DCTN1: variants seen among roughly 807,000 people sequenced by gnomAD.
DCTN1 encodes the protein 150 kDa dynein-associated polypeptide.
DCTN1 carries 61 observed loss-of-function variants against 161.2 expected under a neutral mutation model. That is an observed-to-expected ratio of 0.38 (90% CI 0.31 to 0.47). DCTN1 has a LOEUF of 0.47. Ranked by LOEUF, DCTN1 falls within the 20% of genes least tolerant of loss-of-function variation. DCTN1 has a pLI of 0.99. For missense variants in DCTN1, 1,404 were observed against 1,623.7 expected (o/e 0.86, Z 2.33); for synonymous variants, 653 against 632.4 (o/e 1.03, Z -0.49).
chr2:74,372,960 A>G lies in DCTN1; in HGVS notation c.433-12T>C, dbSNP rs1674974524. 2 of 1,613,936 alleles carry G rather than the reference A, an allele frequency of 1.2e-6. No homozygotes were observed. Among genetic ancestry groups the G allele is most frequent in the Non-Finnish European group, 1.7e-6 (2 of 1,179,864 alleles). On this transcript the variant is annotated splice_polypyrimidine_tract_variant and intron_variant, in intron 6 of 31. Transcript: ENST00000628224. ...CGCCGAGTTGTGGTCTGGACAGGCAACAGGAGCCAGAAGAGAAGTAGTCAG... is the reference window on the plus strand; with the variant it reads ...CGCCGAGTTGTGGTCTGGACAGGCAGCAGGAGCCAGAAGAGAAGTAGTCAG...
intron 6 of DCTN1, 165 bp downstream of exon 6, chr2:74,374,158 G>C (rs566929899): frequency 1.4e-6 from 1 of 717,290 alleles, no homozygotes; most frequent in East Asian, 2.8e-5. Flanking sequence ...CCCAGGGTGT[G>C]GGGCATAGTG....
intron 7 of DCTN1, 112 bp downstream of exon 7, chr2:74,372,816 G>A: frequency 8.9e-7 from 1 of 1,121,536 alleles, no homozygotes; most frequent in Non-Finnish European, 1.4e-6. Context: ...AGAGAACCCA[G>A]GATACACTAT....
chr2:74,362,697 G>C lies in DCTN1; in HGVS notation c.3562C>G (p.Gln1188Glu). Reference protein sequence around the residue: ...AKSPSAQLMEQVAQLKSLSDT... With the variant: ...AKSPSAQLMEEVAQLKSLSDT... ...CTCAGGGACTTAAGCTGAGCCACTT[G>C]CTCCATAAGTTGGGCCGACGGGCTC... The change falls in exon 30 of 32, where the codon CAA (glutamine) becomes GAA (glutamate). Residue 1188 changes from glutamine to glutamate, a missense_variant. Gln to Glu is a conservative substitution (Grantham distance 29, BLOSUM62 2). Coordinates refer to ENST00000628224, the MANE Select transcript of DCTN1 (RefSeq NM_004082.5). 3 of 1,614,032 alleles carry C rather than the reference G, an allele frequency of 1.9e-6. No individual in the cohort carries two copies. Among genetic ancestry groups the C allele is most frequent in the Non-Finnish European group, 2.5e-6 (3 of 1,180,000 alleles).
At chr2:74,362,229 A>G in intron 30 of DCTN1, 88 bp from the exon 31 acceptor site, 4 of 1,184,044 alleles carry the variant, frequency 3.4e-6, no homozygotes, top group Non-Finnish European at 5.0e-6. Context: ...AGACACTAAT[A>G]CCAGGGGGGC....
Position 74,369,836 on chromosome 2 carries a change from A to AAT in DCTN1, c.1392+128_1392+129insAT. The AAT allele has an allele frequency of 3.7e-6, 3 of 817,348 alleles. No homozygotes were observed. The highest frequency in any genetic ancestry group is 2.6e-5 in the East Asian group (1 of 38,460). The allele number at this position is 817,348 out of a possible 1,614,324, so 50.6% of individuals were successfully genotyped here. ...TCTCAGAAAAAAAAAAAAAAAAAAA[A>AAT]GGCAGGGTCAGGGTAGCAAGCCCAG... On this transcript the variant is annotated intron_variant, in intron 13 of 31. Transcript: ENST00000628224. The surrounding 1 kb of genome is among the most constrained non-coding windows in gnomAD (Gnocchi z 4.9).
chr2:74,384,893 C>T (rs189706869), upstream of DCTN1: 1 of 152,306 alleles, frequency 6.6e-6, no homozygotes, highest in South Asian at 2.1e-4. Flanking sequence ...AAGAGATAAA[C>T]GTGGACCTAA....
At chr2:74,391,757 G>A (rs956004709) in intron 1 of DCTN1, 2 of 452,760 alleles carry the variant, frequency 4.4e-6, no homozygotes, top group African/African-American at 4.0e-5. Flanking sequence ...GTAGGGGGCC[G>A]GCGGAGCAGA....
At position 74,362,977 on chromosome 2, in the gene DCTN1, G is replaced by A. The variant is rs771566230; in HGVS notation, c.3529+17C>T. The A allele has an allele frequency of 6.2e-7, 1 of 1,609,442 alleles. No homozygotes were observed. Among genetic ancestry groups the A allele is most frequent in the South Asian group, 1.1e-5 (1 of 90,384 alleles). On this transcript the variant is annotated intron_variant, in intron 29 of 31. Coordinates refer to ENST00000628224, the MANE Select transcript of DCTN1 (RefSeq NM_004082.5). ...AGGGGGCAGTTTTATTCATCTTGGG[G>A]GTTGGCAGGTACATACCAGGGCTGG... is the stretch of plus-strand genomic sequence containing the variant.
chr2:74,382,649 A>G (rs537250131), upstream of DCTN1, among the ~76,000 whole-genome samples: 2 of 152,120 alleles, frequency 1.3e-5, no homozygotes, highest in African/African-American at 4.8e-5. Context: ...TAGAACTGCA[A>G]AGAATTACCT....
intron 29 of DCTN1, 116 bp downstream of exon 29, chr2:74,362,878 A>C: frequency 7.2e-7 from 1 of 1,380,742 alleles, no homozygotes; most frequent in African/African-American, 1.4e-5. Flanking sequence ...CAGTGAAGCC[A>C]AAGAACACTG....
At chr2:74,363,537 T>A in intron 27 of DCTN1, 77 bp downstream of exon 27, 1 of 1,599,766 alleles carries the variant, frequency 6.3e-7, no homozygotes, top group Admixed American at 1.7e-5. Flanking sequence ...TCTCCAGTCC[T>A]GGCTTCCCCC....
Position 74,368,807 on chromosome 2 carries a change from A to G in DCTN1, c.1775T>C (p.Met592Thr), listed in dbSNP as rs768189684. ...NRHMSLLTAF[M>T]PDSFLRPGGD... ...ACCTGGCCGAAGGAAGCTGTCAGGC[A>G]TGAAGGCTGTCAGCAGGGACATGTG... Residue 592 changes from methionine to threonine, a missense_variant, in exon 16 of 32, where the codon ATG (methionine) becomes ACG (threonine). Around this residue, in one of 9 missense-constraint regions of DCTN1, gnomAD observed 278 missense variants for 363.8 expected, o/e 0.76. Transcript: ENST00000628224. 1 of 1,614,276 alleles carries G rather than the reference A, an allele frequency of 6.2e-7. No individual in the cohort carries two copies. Among genetic ancestry groups the G allele is most frequent in the South Asian group, 1.1e-5 (1 of 91,088 alleles).
In DCTN1 at chr2:74,378,318, C is replaced by T; in HGVS notation, c.34-73G>A. The T allele has an allele frequency of 5.1e-6, 8 of 1,579,538 alleles. 1 individual carries two copies. In the South Asian group the frequency reaches 6.7e-5, roughly 13 times the overall value. ...GTGGCATTCTTATGTATAAGAAATG[C>T]CTCAGCCAAGATGCTGGACTGAAAA... On this transcript the variant is annotated intron_variant, in intron 1 of 31. Transcript: ENST00000628224.
Position 74,376,727 on chromosome 2 carries a change from TAG to T in DCTN1, c.414+13_414+14del. 1 of 1,602,822 alleles carries T rather than the reference TAG, an allele frequency of 6.2e-7. No individual in the cohort carries two copies. The highest frequency in any genetic ancestry group is 8.5e-7 in the Non-Finnish European group (1 of 1,174,784). ...TGGCCCCCATCCACCCAGGCACAAA[TAG>T]TAAACACACCACCTTCTTAGGCTTC... On this transcript the variant is annotated intron_variant, in intron 5 of 31. Transcript: ENST00000628224.
chr2:74,376,704 G>A lies in DCTN1; in HGVS notation c.414+38C>T. 2 of 1,585,350 alleles carry A rather than the reference G, an allele frequency of 1.3e-6. 1 individual carries two copies. The highest frequency in any genetic ancestry group is 2.3e-5 in the South Asian group (2 of 87,234). Reference sequence around the variant, plus strand: ...AGGACAGCTGGGGAAGGGGCTCATGGCCCCCATCCACCCAGGCACAAATAG... The same window carrying A: ...AGGACAGCTGGGGAAGGGGCTCATGACCCCCATCCACCCAGGCACAAATAG... On this transcript the variant is annotated intron_variant, in intron 5 of 31. Transcript: ENST00000628224.
In DCTN1 at chr2:74,374,335, C is replaced by T. The variant is rs375040197; in HGVS notation, c.420G>A (p.Pro140=). The change falls in exon 6 of 32, where the codon CCG becomes CCA. Residue 140 remains proline, a synonymous_variant. Coordinates refer to ENST00000628224, the MANE Select transcript of DCTN1 (RefSeq NM_004082.5). ...KLRGLKPKKA[P]TARKTTTRRP... ...CAAGCAAGAGTACCTTTCGGGCTGTCGGTGCCTGTCTCATCATTGCAGAAA... is the reference window on the plus strand; with the variant it reads ...CAAGCAAGAGTACCTTTCGGGCTGTTGGTGCCTGTCTCATCATTGCAGAAA... 44 of 1,612,688 alleles carry T rather than the reference C, an allele frequency of 2.7e-5. 1 individual carries two copies. Among genetic ancestry groups the T allele is most frequent in the Admixed American group, 2.0e-4 (12 of 59,930 alleles).
rs1286083482 is a variant in DCTN1, at chr2:74,370,260, C to T, written c.1213G>A (p.Val405Met). The T allele has an allele frequency of 6.2e-7, 1 of 1,613,974 alleles. No homozygotes were observed. The highest frequency in any genetic ancestry group is 1.3e-5 in the African/African-American group (1 of 74,932). Residue 405 changes from valine to methionine, a missense_variant, in exon 12 of 32, where the codon GTG (valine) becomes ATG (methionine). Val to Met is a conservative substitution (Grantham distance 21). Around this residue, in one of 9 missense-constraint regions of DCTN1, gnomAD observed 278 missense variants for 363.8 expected, o/e 0.76. Coordinates refer to ENST00000628224, the MANE Select transcript of DCTN1 (RefSeq NM_004082.5). The surrounding 1 kb of genome is among the most constrained non-coding windows in gnomAD (Gnocchi z 4.4). Reference sequence around the variant, plus strand: ...TGCAGACGCTCCCGCTGTTGCCTCACAACTTCCAGCTCTTGGTTCTTCTTT... The same window carrying T: ...TGCAGACGCTCCCGCTGTTGCCTCATAACTTCCAGCTCTTGGTTCTTCTTT... ...MEKKNQELEVVRQQRERLQEE... is the reference protein window; with the variant it reads ...MEKKNQELEVMRQQRERLQEE...
At chr2:74,365,693 C>T (rs2735284) in intron 24 of DCTN1, 36 bp from the exon 25 acceptor site, 1 of 1,613,894 alleles carries the variant, frequency 6.2e-7, no homozygotes, top group African/African-American at 1.3e-5. Context: ...CCCTGACATC[C>T]TCCCCACAGT....
intron 5 of DCTN1, among the ~76,000 whole-genome samples, chr2:74,376,367 C>G (rs1383498585): frequency 6.6e-6 from 1 of 152,210 alleles, no homozygotes; most frequent in Non-Finnish European, 1.5e-5. Context: ...CTTCCTCAGC[C>G]CCATTCCCCC....
Sources: allele counts gnomAD v4.1 joint callset (sites outside exome capture counted in the v4.1 genomes callset), GRCh38; gene constraint gnomAD v4.1.1; regional missense constraint gnomAD v4.1.1; non-coding constraint Gnocchi (gnomAD v3.1); transcripts MANE v1.5; gene names NCBI Gene and HGNC (gene_info 2026-07-23, HGNC 2026-07-21).